The following SLC5A8 variants were observed in gnomAD, a reference collection of about 807,000 sequenced individuals.
SLC5A8 encodes sodium-coupled monocarboxylate transporter 1.
Under a neutral mutation model 71.9 loss-of-function variants are expected in SLC5A8, and 55 were observed. The observed-to-expected ratio is 0.77, with a 90% CI of 0.62 to 0.96. The LOEUF is 0.96. Ranked by LOEUF, SLC5A8 falls within the 40% of genes least tolerant of loss-of-function variation. The pLI is 0.00. For synonymous variants in SLC5A8, 307 were observed against 276.1 expected (o/e 1.11, Z -1.11); for missense variants, 701 against 745.3 (o/e 0.94, Z 0.69).
intron 3 of SLC5A8, among the ~76,000 whole-genome samples, chr12:101,200,157 A>G (rs1367433410): frequency 6.6e-6 from 1 of 151,650 alleles, no homozygotes; most frequent in African/African-American, 2.4e-5. Context: ...GATTCCACTT[A>G]TATAAAATCT....
intron 10 of SLC5A8, among the ~76,000 whole-genome samples, chr12:101,169,345 G>A (rs1481103677): frequency 6.6e-6 from 1 of 152,182 alleles, no homozygotes; most frequent in South Asian, 2.1e-4. Flanking sequence ...TCAGGCCATA[G>A]CTGATATATG....
At position 101,195,104 on chromosome 12, in the gene SLC5A8, G is replaced by A. The variant is rs1362238937; in HGVS notation, c.528C>T (p.Tyr176=). The A allele has an allele frequency of 1.2e-6, 2 of 1,614,118 alleles. No individual in the cohort carries two copies. Among genetic ancestry groups the A allele is most frequent in the Admixed American group, 3.3e-5 (2 of 60,014 alleles). ...VVATGVVCTF[Y]CTLGGLKAVI... ...TATGTCCTGGACGTACCAGTGTGCA[G>A]TAGAATGTGCAGACCACCCCCGTTG... The change falls in exon 4 of 15, where the codon TAC becomes TAT. Residue 176 remains tyrosine (Y), a synonymous_variant. Coordinates refer to ENST00000536262, the MANE Select transcript of SLC5A8 (RefSeq NM_145913.5).
At chr12:101,168,019 C>G in intron 11 of SLC5A8, 77 bp downstream of exon 11, 2 of 1,336,808 alleles carry the variant, frequency 1.5e-6, no homozygotes, top group South Asian at 1.3e-5. Flanking sequence ...CTCAAAGGAA[C>G]CAACTGAGAA....
intron 8 of SLC5A8, 90 bp from the exon 9 acceptor site, chr12:101,183,005 C>A: frequency 1.4e-5 from 4 of 291,506 alleles, no homozygotes; most frequent in East Asian, 1.0e-4. Context: ...CAAATTGTCA[C>A]TTCTAAAATA....
At chr12:101,173,546 C>T (rs1469289920) in intron 10 of SLC5A8, among the ~76,000 whole-genome samples, 1 of 152,226 alleles carries the variant, frequency 6.6e-6, no homozygotes, top group East Asian at 1.9e-4. Context: ...GCCCGCGTGA[C>T]TTGGGCATGT....
At chr12:101,178,984 A>G (rs745379739) in intron 10 of SLC5A8, among the ~76,000 whole-genome samples, 19 of 152,326 alleles carry the variant, frequency 1.2e-4, no homozygotes, top group African/African-American at 4.6e-4. Context: ...TTGAATTAGA[A>G]CATGAGCAAA....
chr12:101,195,344 T>C (rs1053082367), intron 3 of SLC5A8, among the ~76,000 whole-genome samples, 182 bp from the exon 4 acceptor site: 1 of 152,160 alleles, frequency 6.6e-6, no homozygotes, highest in African/African-American at 2.4e-5. Flanking sequence ...AGTTTAAAAT[T>C]GTATTTGATA....
intron 3 of SLC5A8, among the ~76,000 whole-genome samples, chr12:101,198,483 A>G (rs1463171002): frequency 2.6e-5 from 4 of 152,014 alleles, no homozygotes; most frequent in African/African-American, 4.8e-5. Flanking sequence ...CATTAAAAGC[A>G]TAACAAGAGG....
chr12:101,185,935 A>G lies in SLC5A8; in HGVS notation c.963+1451T>C, dbSNP rs73156679. On this transcript the variant is annotated intron_variant, in intron 7 of 14. Coordinates refer to ENST00000536262, the MANE Select transcript of SLC5A8 (RefSeq NM_145913.5). Reference sequence around the variant, plus strand: ...CTTATTTGCATGGTATCCCCAGTGAAGTGTTAATTGAATTAACTTGTTAAC... The same window carrying G: ...CTTATTTGCATGGTATCCCCAGTGAGGTGTTAATTGAATTAACTTGTTAAC... 9.0e-3 allele frequency among the ~76,000 whole-genome samples: 1,373 copies of G among 152,234 alleles called. 9 individuals carry two copies. Among genetic ancestry groups the G allele is most frequent in the Non-Finnish European group, 0.014 (930 of 68,010 alleles).
rs114343391 is a variant in SLC5A8 at position 101,209,491 on chromosome 12, C to G, written c.351+7G>C. ...CCTGCATGGTCCCAGCCCACCCTGC[C>G]CCTTACCTCGTAGGTGCTGGTAATT... is the stretch of plus-strand genomic sequence containing the variant. On this transcript the variant is annotated splice_region_variant and intron_variant, in intron 1 of 14. Coordinates refer to ENST00000536262, the MANE Select transcript of SLC5A8 (RefSeq NM_145913.5). The G allele has an allele frequency of 7.5e-4, 1,173 of 1,570,600 alleles. 8 individuals carry two copies. In the African/African-American group the frequency reaches 0.014, roughly 19 times the overall value.
At chr12:101,202,309 T>C in intron 2 of SLC5A8, 94 bp from the exon 3 acceptor site, 1 of 1,154,204 alleles carries the variant, frequency 8.7e-7, no homozygotes, top group Non-Finnish European at 1.2e-6. Flanking sequence ...TTCCTATAAC[T>C]TCAATTATGA....
At chr12:101,174,205 A>G (rs1161320699) in intron 10 of SLC5A8, among the ~76,000 whole-genome samples, 1 of 152,116 alleles carries the variant, frequency 6.6e-6, no homozygotes, top group Non-Finnish European at 1.5e-5. Context: ...TACTTATCCT[A>G]TCCTCAATGC....
At chr12:101,158,592 C>CTATATA (rs1566303428) in intron 13 of SLC5A8, among the ~76,000 whole-genome samples, 18 of 25,914 alleles carry the variant, frequency 6.9e-4, no homozygotes, top group South Asian at 1.4e-3. Context: ...CTCTCTCTCT[C>CTATATA]TCTCTCTATA....
intron 5 of SLC5A8, among the ~76,000 whole-genome samples, chr12:101,191,413 T>C (rs1188942418): frequency 6.6e-6 from 1 of 152,220 alleles, no homozygotes; most frequent in Non-Finnish European, 1.5e-5. Flanking sequence ...TCATTTCAAA[T>C]CTTATATTTG....
chr12:101,166,866 TTGAATAAATGAACAAG>T (rs2051777539), intron 11 of SLC5A8, among the ~76,000 whole-genome samples, 167 bp from the exon 12 acceptor site: 1 of 152,064 alleles, frequency 6.6e-6, no homozygotes, highest in South Asian at 2.1e-4. Flanking sequence ...TAAAAATCTA[TTGAATAAATGAACAAG>T]TGAATAAATG....
chr12:101,210,054 C>T lies in SLC5A8; in HGVS notation c.-206G>A. Reference sequence around the variant, plus strand: ...TCGCCCCTGCACCCGCCGCTGCGAGCCGCGCCCCTCAAACCCAGGTATGGG... The same window carrying T: ...TCGCCCCTGCACCCGCCGCTGCGAGTCGCGCCCCTCAAACCCAGGTATGGG... On this transcript the variant is annotated 5_prime_UTR_variant, in exon 1 of 15. Transcript: ENST00000536262. 1 of 490,558 alleles carries T rather than the reference C, an allele frequency of 2.0e-6. No homozygotes were observed. 30.4% of individuals were successfully genotyped at this position (490,558 alleles called of 1,614,324 possible).
intron 3 of SLC5A8, chr12:101,199,231 A>G (rs932079732): frequency 1.3e-5 from 2 of 152,008 alleles, no homozygotes; most frequent in South Asian, 4.1e-4. Flanking sequence ...AACATTACTA[A>G]GAGACTTTTT....
In SLC5A8 at chr12:101,183,089, A is replaced by C. The variant is rs919340827; in HGVS notation, c.1053-174T>G. Among the ~76,000 whole-genome samples, 6 of 113,992 alleles carry C rather than the reference A, an allele frequency of 5.3e-5. No homozygotes were observed. In the Admixed American group the frequency reaches 5.5e-4, roughly 11 times the overall value. The allele number at this position is 113,992 out of a possible 152,430, so 74.8% of individuals were successfully genotyped here. Reference sequence around the variant, plus strand: ...GAGACGGAGTCTCGCTCTGTCGCCCAGGCTGGAGTGCAATGGCATGATCTC... The same window carrying C: ...GAGACGGAGTCTCGCTCTGTCGCCCCGGCTGGAGTGCAATGGCATGATCTC... On this transcript the variant is annotated intron_variant, in intron 8 of 14. Coordinates refer to ENST00000536262, the MANE Select transcript of SLC5A8 (RefSeq NM_145913.5).
intron 10 of SLC5A8, among the ~76,000 whole-genome samples, chr12:101,173,451 C>T (rs998668922): frequency 2.6e-5 from 4 of 152,146 alleles, no homozygotes; most frequent in Non-Finnish European, 5.9e-5. Flanking sequence ...GTGTGGCCAG[C>T]GGTAAGCCAG....
Sources: allele counts gnomAD v4.1 joint callset (sites outside exome capture counted in the v4.1 genomes callset), GRCh38; gene constraint gnomAD v4.1.1; transcripts MANE v1.5; gene names NCBI Gene and HGNC (gene_info 2026-07-23, HGNC 2026-07-21).